IARS1: variants seen among roughly 807,000 people sequenced by gnomAD.
IARS1 encodes isoleucine--tRNA ligase, cytoplasmic.
A neutral mutation model predicts 168.2 loss-of-function variants in IARS1; 124 were observed. The observed-to-expected ratio is 0.74, with a 90% CI of 0.64 to 0.86. The LOEUF (loss-of-function observed/expected upper bound fraction) is 0.86, where lower values mean the gene tolerates loss of function less well. Ranked by LOEUF, IARS1 falls within the 40% of genes least tolerant of loss-of-function variation. The probability of loss-of-function intolerance (pLI) is 0.00; values close to 1 mark genes in which losing one functional copy is unlikely to be tolerated. For missense variants in IARS1, 1,452 were observed against 1,515.8 expected (o/e 0.96, Z 0.70); for synonymous variants, 532 against 529.4 (o/e 1.00, Z -0.07).
intron 17 of IARS1, 133 bp from the exon 18 acceptor site, chr9:92,260,367 G>A (rs1831348923): frequency 1.4e-6 from 1 of 711,506 alleles, no homozygotes; most frequent in African/African-American, 1.7e-5. Context: ...AGAAGTTAGT[G>A]CTAATAGGCC....
chr9:92,270,630 A>G (rs750353992), intron 12 of IARS1, among the ~76,000 whole-genome samples: 44 of 152,156 alleles, frequency 2.9e-4, no homozygotes, highest in Middle Eastern at 3.2e-3. Flanking sequence ...CCTCATTTCT[A>G]TAAGAAATGC....
chr9:92,215,774 A>AC (rs1838571107), intron 33 of IARS1, among the ~76,000 whole-genome samples: 1 of 151,862 alleles, frequency 6.6e-6, no homozygotes, highest in Non-Finnish European at 1.5e-5. Context: ...GGACTATGTG[A>AC]AAAGACCAAA....
At chr9:92,240,806 C>A in intron 30 of IARS1, 50 bp downstream of exon 30, 1 of 1,104,408 alleles carries the variant, frequency 9.1e-7, no homozygotes, top group South Asian at 1.3e-5. Flanking sequence ...TTTTCACATC[C>A]ATAAGTATAA....
intron 3 of IARS1, 71 bp from the exon 4 acceptor site, chr9:92,287,981 A>C: frequency 1.9e-6 from 3 of 1,582,844 alleles, no homozygotes; most frequent in Non-Finnish European, 2.6e-6. Flanking sequence ...ACTCTAGAAA[A>C]CAAAACAAAT....
chr9:92,214,702 C>A (rs1370244385), intron 33 of IARS1, among the ~76,000 whole-genome samples: 10 of 152,186 alleles, frequency 6.6e-5, no homozygotes, highest in Non-Finnish European at 1.2e-4. Flanking sequence ...CCGAATACTG[C>A]GCTTTTCCGA....
chr9:92,272,065 C>A (rs1272804725), intron 10 of IARS1, among the ~76,000 whole-genome samples: 2 of 152,070 alleles, frequency 1.3e-5, no homozygotes, highest in African/African-American at 2.4e-5. Flanking sequence ...TCTGAAAAAC[C>A]AAAAATTTCC....
rs996296808 is a variant in IARS1, at chr9:92,263,605, C to T, written c.1701-550G>A. On this transcript the variant is annotated intron_variant, in intron 16 of 33. Transcript: ENST00000443024. ...TTCCTGCCTCTCTTACCTAGTCCTG[C>T]ACTCTGAGAACATCAAGGGACATGA... 2.0e-5 allele frequency among the ~76,000 whole-genome samples: 3 copies of T among 152,210 alleles called. No homozygotes were observed. The East Asian group carries it at 5.8e-4, about 29-fold the overall frequency.
Position 92,271,596 on chromosome 9 carries a change from G to A in IARS1, c.1050C>T (p.Cys350=). The change falls in exon 11 of 34, where the codon TGC becomes TGT. Residue 350 remains cysteine, a synonymous_variant. Coordinates refer to ENST00000443024, the MANE Select transcript of IARS1 (RefSeq NM_002161.6). ...NIIRKDSLPV[C]PVDASGCFTT... Reference sequence around the variant, plus strand: ...TGAAGCAGCCTGAAGCATCCACAGGGCAAACAGGGAGTGAGTCTTTCCGAA... The same window carrying A: ...TGAAGCAGCCTGAAGCATCCACAGGACAAACAGGGAGTGAGTCTTTCCGAA... The A allele has an allele frequency of 6.2e-7, 1 of 1,614,046 alleles. No individual in the cohort carries two copies. Among genetic ancestry groups the A allele is most frequent in the Non-Finnish European group, 8.5e-7 (1 of 1,179,922 alleles).
intron 5 of IARS1, 77 bp downstream of exon 5, chr9:92,286,459 C>A: frequency 1.4e-6 from 1 of 730,262 alleles, no homozygotes; most frequent in Non-Finnish European, 2.4e-6. Flanking sequence ...TAAACTGATT[C>A]ATGCTAGTGC....
intron 33 of IARS1, among the ~76,000 whole-genome samples, chr9:92,221,174 A>G (rs897701307): frequency 3.9e-5 from 6 of 152,204 alleles, no homozygotes; most frequent in South Asian, 2.1e-4. Context: ...AATGTAGTAT[A>G]TAAGGACAAA....
intron 31 of IARS1, among the ~76,000 whole-genome samples, chr9:92,224,687 G>A (rs773805790): frequency 3.9e-5 from 6 of 152,100 alleles, no homozygotes; most frequent in Non-Finnish European, 7.4e-5. Context: ...AAAAGAATTA[G>A]CCAGGCATGG....
intron 33 of IARS1, among the ~76,000 whole-genome samples, chr9:92,216,228 A>AT (rs1230535729): frequency 1.3e-5 from 2 of 149,740 alleles, no homozygotes. Context: ...ATGCTGAGAG[A>AT]TTTTGTCACC....
intron 33 of IARS1, among the ~76,000 whole-genome samples, chr9:92,217,365 T>C (rs930175289): frequency 7.1e-6 from 1 of 140,084 alleles, no homozygotes; most frequent in Admixed American, 7.0e-5. Flanking sequence ...TTAAAAGAAC[T>C]AGAAAAGCAA....
At chr9:92,210,922 A>C (rs1404894534) in intron 33 of IARS1, 33 bp from the exon 34 acceptor site, 1 of 1,385,462 alleles carries the variant, frequency 7.2e-7, no homozygotes, top group East Asian at 2.3e-5. Context: ...AAAAAAAATC[A>C]GTATTTTACC....
At chr9:92,226,044 T>C (rs1397498733) in intron 31 of IARS1, among the ~76,000 whole-genome samples, 1 of 152,254 alleles carries the variant, frequency 6.6e-6, no homozygotes, top group Non-Finnish European at 1.5e-5. Flanking sequence ...AGCCTGTTTT[T>C]GCTCGTTTCT....
chr9:92,243,761 T>C (rs1828790390), intron 27 of IARS1, among the ~76,000 whole-genome samples: 2 of 152,234 alleles, frequency 1.3e-5, no homozygotes, highest in East Asian at 3.8e-4. Context: ...CCATGACCCC[T>C]GTGATCTTCA....
intron 33 of IARS1, among the ~76,000 whole-genome samples, chr9:92,216,139 T>C (rs1383717811): frequency 1.3e-5 from 2 of 151,062 alleles, no homozygotes; most frequent in South Asian, 2.1e-4. Context: ...AAGAAAAGAA[T>C]TTTCAACCCA....
At chr9:92,216,058 A>G (rs866467731) in intron 33 of IARS1, among the ~76,000 whole-genome samples, 40 of 151,780 alleles carry the variant, frequency 2.6e-4, no homozygotes, top group Admixed American at 1.8e-3. Flanking sequence ...AGCCCATCAG[A>G]CTAACAGCAG....
chr9:92,285,910 T>C, intron 5 of IARS1, 71 bp from the exon 6 acceptor site: 1 of 896,556 alleles, frequency 1.1e-6, no homozygotes, highest in Admixed American at 2.0e-5. Flanking sequence ...TTTATGCCAT[T>C]TTCTTTTTAG....
Sources: gnomAD v4.1 joint callset for allele counts (sites outside exome capture counted in the v4.1 genomes callset) on GRCh38, gnomAD v4.1.1 for gene constraint, MANE v1.5 for transcripts, NCBI Gene and HGNC (gene_info 2026-07-23, HGNC 2026-07-21) for gene names.